Variants in GUCY2F observed in about 807,000 individuals in gnomAD.
GUCY2F encodes the protein retinal guanylyl cyclase 2.
Under a neutral mutation model 73.1 loss-of-function variants are expected in GUCY2F, and 61 were observed. The observed-to-expected ratio is 0.83, with a 90% confidence interval of 0.68 to 1.03. The LOEUF (loss-of-function observed/expected upper bound fraction) is 1.03. GUCY2F is among the 50% of genes least tolerant of loss of function. The pLI is 0.00. For missense variants in GUCY2F, 912 were observed against 854.3 expected, an observed-to-expected ratio of 1.07 and a Z score of -0.84; for synonymous variants, 331 against 307.8, an observed-to-expected ratio of 1.08 and a Z score of -0.79.
At chrX:109,386,858 T>G (rs1342778029) in intron 15 of GUCY2F, among the ~76,000 whole-genome samples, 3 of 111,799 alleles carry the variant, frequency 2.7e-5, no homozygotes, top group Non-Finnish European at 3.8e-5. Flanking sequence ...ATGTTAAATT[T>G]GAAATAATGG....
At chrX:109,464,528 G>A (rs756539996) in intron 3 of GUCY2F, among the ~76,000 whole-genome samples, 25 of 112,162 alleles carry the variant, frequency 2.2e-4, no homozygotes, top group Admixed American at 1.5e-3. Context: ...AGCCCCTCCT[G>A]TCTTCTTTCT....
At chrX:109,392,161 C>A in intron 13 of GUCY2F, 58 bp from the exon 14 acceptor site, 1 of 853,515 alleles carries the variant, frequency 1.2e-6, no homozygotes, top group East Asian at 3.2e-5. Flanking sequence ...ATGCCACATA[C>A]ACCTGCTAAA....
intron 5 of GUCY2F, among the ~76,000 whole-genome samples, chrX:109,449,738 A>T (rs1444284674): frequency 1.8e-5 from 2 of 112,093 alleles, no homozygotes; most frequent in Non-Finnish European, 3.8e-5. Context: ...AGCATAAAGC[A>T]TTATAAAAGT....
chrX:109,391,517 C>T (rs1226742174), intron 14 of GUCY2F, among the ~76,000 whole-genome samples: 5 of 111,903 alleles, frequency 4.5e-5, no homozygotes, highest in African/African-American at 1.6e-4. Context: ...CTGTAGCAGT[C>T]ACCACCTATG....
chrX:109,374,234 T>A (rs1930124477), intron 19 of GUCY2F, among the ~76,000 whole-genome samples: 1 of 111,768 alleles, frequency 8.9e-6, no homozygotes, highest in Non-Finnish European at 1.9e-5. Context: ...TTCTTGGGGA[T>A]TTTTGTGATT....
intron 2 of GUCY2F, among the ~76,000 whole-genome samples, chrX:109,467,750 C>G (rs1932499223): frequency 8.9e-6 from 1 of 112,206 alleles, no homozygotes; most frequent in Admixed American, 9.4e-5. Context: ...TTTGCTGGTT[C>G]AACTTTCAGA....
At chrX:109,465,569 T>C (rs1441269065) in intron 2 of GUCY2F, 126 bp from the exon 3 acceptor site, 1 of 499,501 alleles carries the variant, frequency 2.0e-6, no homozygotes, top group Non-Finnish European at 3.5e-6. Flanking sequence ...GCCTCCAAGA[T>C]AAGCAAGATG....
chrX:109,465,537 C>G, intron 2 of GUCY2F, 94 bp from the exon 3 acceptor site: 1 of 647,513 alleles, frequency 1.5e-6, no homozygotes, highest in East Asian at 3.2e-5. Context: ...GTGTTCTAAC[C>G]AATTTGTAAG....
chrX:109,428,448 A>G (rs1387179170), intron 8 of GUCY2F, among the ~76,000 whole-genome samples: 3 of 112,127 alleles, frequency 2.7e-5, no homozygotes, highest in Non-Finnish European at 3.8e-5. Context: ...GGGACAGTCC[A>G]TGAAATAATT....
chrX:109,461,824 T>C (rs1330274260), intron 3 of GUCY2F, among the ~76,000 whole-genome samples: 1 of 112,397 alleles, frequency 8.9e-6, no homozygotes, highest in Non-Finnish European at 1.9e-5. Flanking sequence ...CTGTCTTGTA[T>C]AGTGTTCTAT....
Position 109,462,520 on chromosome X carries a change from T to C in GUCY2F, c.1032+2622A>G, listed in dbSNP as rs1489611065. 2.7e-5 allele frequency among the ~76,000 whole-genome samples: 3 copies of C among 112,449 alleles called. No homozygotes were observed. In the East Asian group the frequency reaches 8.3e-4, roughly 31 times the overall value. ...GCTCTGGATTCTTTGTTGTAGCTAT[T>C]CTATTTCCTTGTGTAAAGCAGAGTG... is the stretch of plus-strand genomic sequence containing the variant. On this transcript the variant is annotated intron_variant, in intron 3 of 19. Transcript: ENST00000218006.
At chrX:109,439,250 C>G (rs1404594662) in intron 7 of GUCY2F, among the ~76,000 whole-genome samples, 1 of 111,718 alleles carries the variant, frequency 9.0e-6, no homozygotes, top group African/African-American at 3.3e-5. Context: ...CCCTGGACCG[C>G]ATCAGTGTCC....
chrX:109,394,833 C>T (rs182781585), intron 12 of GUCY2F, among the ~76,000 whole-genome samples: 1 of 112,019 alleles, frequency 8.9e-6, no homozygotes, highest in Non-Finnish European at 1.9e-5. Context: ...TTTTGCACGC[C>T]ACATTTGCAC....
chrX:109,458,399 T>G (rs185266055), intron 3 of GUCY2F, among the ~76,000 whole-genome samples: 2 of 111,708 alleles, frequency 1.8e-5, no homozygotes, highest in African/African-American at 6.5e-5. Flanking sequence ...AATATCTAAT[T>G]TGTAGGTGTT....
intron 17 of GUCY2F, among the ~76,000 whole-genome samples, chrX:109,379,986 C>T (rs1174207424): frequency 1.8e-5 from 2 of 112,051 alleles, no homozygotes; most frequent in Non-Finnish European, 3.8e-5. Context: ...CTATGTTCTC[C>T]TCTCTCACCC....
At chrX:109,445,723 A>T (rs765288450) in intron 6 of GUCY2F, among the ~76,000 whole-genome samples, 1 of 111,736 alleles carries the variant, frequency 8.9e-6, no homozygotes, top group Non-Finnish European at 1.9e-5. Flanking sequence ...CAAGACAGGG[A>T]TGCCCTCTCT....
At chrX:109,394,683 C>T (rs1227765626) in intron 12 of GUCY2F, among the ~76,000 whole-genome samples, 1 of 112,065 alleles carries the variant, frequency 8.9e-6, no homozygotes, top group African/African-American at 3.2e-5. Context: ...CAGCAGGGCT[C>T]ACTCTGTCCT....
At position 109,392,088 on chromosome X, in the gene GUCY2F, A is replaced by C; in HGVS notation, c.2604T>G (p.Ser868=). The C allele has an allele frequency of 8.3e-7, 1 of 1,201,361 alleles. No individual in the cohort carries two copies. Among genetic ancestry groups the C allele is most frequent in the South Asian group, 1.8e-5 (1 of 54,809 alleles). Residue 868 remains serine, a synonymous_variant, in exon 14 of 20, where the codon TCT becomes TCG. Transcript: ENST00000218006. ...TQMLPPSVAE[S]LKKGCTVEPE... ...GTTCAACTGTGCAGCCCTTTTTGAG[A>C]GATTCAGCAACTGATCTGAAAAGCA...
At chrX:109,403,309 G>A (rs1056725068) in intron 10 of GUCY2F, among the ~76,000 whole-genome samples, 1 of 110,769 alleles carries the variant, frequency 9.0e-6, no homozygotes, top group Non-Finnish European at 1.9e-5. Flanking sequence ...TACCACTGGT[G>A]CACTAGACAG....
Sources: gnomAD v4.1 joint callset for allele counts (sites outside exome capture counted in the v4.1 genomes callset) on GRCh38, gnomAD v4.1.1 for gene constraint, MANE v1.5 for transcripts, NCBI Gene and HGNC (gene_info 2026-07-23, HGNC 2026-07-21) for gene names.